CREB5: variants seen among roughly 807,000 people sequenced by gnomAD.
The protein encoded by CREB5 is cAMP responsive element binding protein 5.
Under a neutral mutation model 57.1 loss-of-function variants are expected in CREB5, and 19 were observed. That is an observed-to-expected ratio of 0.33 (90% CI 0.23 to 0.49). The LOEUF is 0.49. CREB5 is among the 20% of genes least tolerant of loss of function. The pLI is 0.99. For missense variants in CREB5, 579 were observed against 671.6 expected (o/e 0.86, Z 1.52); for synonymous variants, 238 against 238.3 (o/e 1.00, Z 0.01).
intron 5 of CREB5, among the ~76,000 whole-genome samples, chr7:28,605,965 G>A (rs1030600423): frequency 3.9e-5 from 6 of 152,114 alleles, no homozygotes; most frequent in South Asian, 2.1e-4. Flanking sequence ...GGGCGTATAC[G>A]TTTGCTAAAA....
At chr7:28,426,797 T>C (rs577572665) in intron 1 of CREB5, among the ~76,000 whole-genome samples, 129 of 152,362 alleles carry the variant, frequency 8.5e-4, no homozygotes, top group African/African-American at 3.0e-3. Context: ...TCTCCTGGAT[T>C]GTAAGCTCCA....
chr7:28,326,157 C>A (rs1167620967), intron 1 of CREB5, among the ~76,000 whole-genome samples: 1 of 5,682 alleles, frequency 1.8e-4, no homozygotes, highest in South Asian at 4.4e-3. Flanking sequence ...CACACATTAT[C>A]TATCTATCTA....
At chr7:28,549,418 T>A (rs1236532619) in intron 4 of CREB5, among the ~76,000 whole-genome samples, 2 of 152,176 alleles carry the variant, frequency 1.3e-5, no homozygotes, top group Non-Finnish European at 2.9e-5. Flanking sequence ...GGTCCAACAC[T>A]CAAATCTGTC....
At chr7:28,544,426 T>A (rs1280435219) in intron 4 of CREB5, among the ~76,000 whole-genome samples, 3 of 152,216 alleles carry the variant, frequency 2.0e-5, no homozygotes, top group Non-Finnish European at 2.9e-5. Flanking sequence ...CTCTTTTTAA[T>A]ATAATAACAG....
At chr7:28,306,555 G>GTTTTTTTTT (rs869277871) in intron 1 of CREB5, among the ~76,000 whole-genome samples, 119 of 58,040 alleles carry the variant, frequency 2.1e-3, no homozygotes, top group Middle Eastern at 0.014. Flanking sequence ...TGTTTTTTTT[G>GTTTTTTTTT]TTTTTTTTTT....
chr7:28,440,158 A>T (rs1002743684), intron 1 of CREB5, among the ~76,000 whole-genome samples: 2 of 152,168 alleles, frequency 1.3e-5, no homozygotes, highest in African/African-American at 4.8e-5. Flanking sequence ...ATTATTGCCA[A>T]ATCTTGCAAA....
At chr7:28,639,032 G>A (rs1170622556) in intron 5 of CREB5, among the ~76,000 whole-genome samples, 1 of 152,118 alleles carries the variant, frequency 6.6e-6, no homozygotes, top group East Asian at 1.9e-4. Context: ...GAAATATATT[G>A]AGCTGGGAAC....
chr7:28,692,908 C>T (rs949930823), intron 5 of CREB5, among the ~76,000 whole-genome samples: 19 of 152,190 alleles, frequency 1.2e-4, no homozygotes, highest in African/African-American at 4.1e-4. Flanking sequence ...CTCCATAGTA[C>T]GCAAACACTT....
In CREB5 at chr7:28,560,871, T is replaced by TGCGCGC. The variant is rs1233149536; in HGVS notation, c.292-9489_292-9488insCGCGCG. Among the ~76,000 whole-genome samples the TGCGCGC allele has an allele frequency of 7.1e-4, 27 of 38,010 alleles. 4 individuals are homozygous for TGCGCGC. In the East Asian group the frequency reaches 0.017, roughly 24 times the overall value. 24.9% of individuals were successfully genotyped at this position (38,010 alleles called of 152,430 possible). ...GCGTGTGTGTGTGCGTGTGCCTGCG[T>TGCGCGC]GCGCGTGCGTGCGTGCGTGTGTGTG... On this transcript the variant is annotated intron_variant, in intron 4 of 10. Coordinates refer to ENST00000357727, the MANE Select transcript of CREB5 (RefSeq NM_182898.4).
intron 1 of CREB5, among the ~76,000 whole-genome samples, chr7:28,435,385 T>G (rs1358336915): frequency 6.7e-6 from 1 of 148,994 alleles, no homozygotes; most frequent in Non-Finnish European, 1.5e-5. Flanking sequence ...CCTTCCATTT[T>G]TTTTTTTTTT....
chr7:28,434,751 A>G (rs1015867004), intron 1 of CREB5, among the ~76,000 whole-genome samples: 2 of 152,204 alleles, frequency 1.3e-5, no homozygotes, highest in African/African-American at 4.8e-5. Flanking sequence ...AAGTCATATG[A>G]ATACAAATAA....
rs368142623 is a variant in CREB5 at position 28,785,024 on chromosome 7, G to A, written c.703-19175G>A. ...TACAAGCCATTCTTCAGCATTGTTC[G>A]TCAGAATCATGCAACCTATTAATAG... On this transcript the variant is annotated intron_variant, in intron 7 of 10. Coordinates refer to ENST00000357727, the MANE Select transcript of CREB5 (RefSeq NM_182898.4). 1.2e-4 allele frequency among the ~76,000 whole-genome samples: 19 copies of A among 152,252 alleles called. No individual in the cohort carries two copies. The East Asian group carries it at 2.5e-3, about 20-fold the overall frequency.
In CREB5 at chr7:28,638,264, G is replaced by GACACACACACAC. The variant is rs56956362; in HGVS notation, c.464+67746_464+67757dup. Among the ~76,000 whole-genome samples, 710 of 145,790 alleles carry GACACACACACAC rather than the reference G, an allele frequency of 4.9e-3. 6 individuals carry two copies. Among genetic ancestry groups the GACACACACACAC allele is most frequent in the South Asian group, 8.2e-3 (37 of 4,516 alleles). On this transcript the variant is annotated intron_variant, in intron 5 of 10. Transcript: ENST00000357727. Reference sequence around the variant, plus strand: ...ATTGCTATCTTAAAGAAAGAAACTAGACACACACACACACACACACACACA... The same window carrying GACACACACACAC: ...ATTGCTATCTTAAAGAAAGAAACTAGACACACACACACACACACACACACACACACACACACA...
At chr7:28,519,501 G>A (rs1018270599) in intron 4 of CREB5, among the ~76,000 whole-genome samples, 2 of 150,168 alleles carry the variant, frequency 1.3e-5, no homozygotes, top group Admixed American at 6.7e-5. Flanking sequence ...CCATAAGCTG[G>A]AGGTGAACTT....
chr7:28,814,423 A>G (rs1809301793), intron 9 of CREB5, among the ~76,000 whole-genome samples: 1 of 152,252 alleles, frequency 6.6e-6, no homozygotes, highest in South Asian at 2.1e-4. Flanking sequence ...ATGGACATAG[A>G]AAATTTTGCT....
intron 1 of CREB5, among the ~76,000 whole-genome samples, chr7:28,357,990 G>A (rs1490601588): frequency 1.3e-5 from 2 of 152,096 alleles, no homozygotes; most frequent in Non-Finnish European, 2.9e-5. Flanking sequence ...AGAGGAAGAG[G>A]CCAGTGTGGA....
chr7:28,702,299 C>T (rs1195383703), intron 5 of CREB5, among the ~76,000 whole-genome samples: 1 of 152,194 alleles, frequency 6.6e-6, no homozygotes. Flanking sequence ...ATGGAAAGCA[C>T]TTAACTTTCG....
intron 1 of CREB5, among the ~76,000 whole-genome samples, chr7:28,390,008 T>C (rs576520934): frequency 6.6e-6 from 1 of 152,002 alleles, no homozygotes; most frequent in African/African-American, 2.4e-5. Context: ...ACTCCTACAG[T>C]TCCCGGTCAT....
chr7:28,443,920 G>C lies in CREB5; in HGVS notation c.3+31003G>C, dbSNP rs900821870. On this transcript the variant is annotated intron_variant, in intron 1 of 10. Transcript: ENST00000357727. ...CTGAGATGTGGAAGCGGTATTGGTA[G>C]ATCCTGATACAAGTCAGAATGGTGT... is the stretch of plus-strand genomic sequence containing the variant. Among the ~76,000 whole-genome samples, 21 of 152,316 alleles carry C rather than the reference G, an allele frequency of 1.4e-4. No homozygotes were observed. In the East Asian group the frequency reaches 4.0e-3, roughly 29 times the overall value.
Sources: gnomAD v4.1 joint callset for allele counts (sites outside exome capture counted in the v4.1 genomes callset) on GRCh38, gnomAD v4.1.1 for gene constraint, MANE v1.5 for transcripts, NCBI Gene and HGNC (gene_info 2026-07-23, HGNC 2026-07-21) for gene names.